CDKAL1: variants seen among roughly 807,000 people sequenced by gnomAD.
CDKAL1 encodes threonylcarbamoyladenosine tRNA methylthiotransferase.
In CDKAL1, 32 loss-of-function variants were observed where a neutral mutation model predicts 68.2. The observed-to-expected ratio is 0.47, with a 90% CI of 0.35 to 0.63. CDKAL1 has a LOEUF of 0.63. CDKAL1 is among the 30% of genes least tolerant of loss of function. The pLI, the probability that CDKAL1 is intolerant of heterozygous loss-of-function variation, is 0.00. For missense variants in CDKAL1, 606 were observed against 696.7 expected (o/e 0.87, Z 1.47); for synonymous variants, 234 against 244.3 (o/e 0.96, Z 0.39).
intron 13 of CDKAL1, among the ~76,000 whole-genome samples, chr6:21,149,366 A>G (rs772654784): frequency 7.9e-5 from 12 of 151,984 alleles, no homozygotes; most frequent in Non-Finnish European, 1.8e-4. Flanking sequence ...GGCTGGTCTC[A>G]AACTCCTGAC....
At chr6:21,140,146 A>C (rs996767398) in intron 13 of CDKAL1, among the ~76,000 whole-genome samples, 7 of 152,212 alleles carry the variant, frequency 4.6e-5, no homozygotes, top group African/African-American at 1.7e-4. Flanking sequence ...ATACACTGTC[A>C]AACACTGGAT....
chr6:20,545,275 G>A (rs1027623012), intron 2 of CDKAL1, among the ~76,000 whole-genome samples: 1 of 151,692 alleles, frequency 6.6e-6, no homozygotes, highest in Non-Finnish European at 1.5e-5. Context: ...TTGCTGGCGG[G>A]GCAGGGAAAA....
chr6:21,115,147 A>G (rs1774343921), intron 13 of CDKAL1, among the ~76,000 whole-genome samples: 1 of 152,202 alleles, frequency 6.6e-6, no homozygotes, highest in South Asian at 2.1e-4. Context: ...GATGTCACTT[A>G]CTGATTTACA....
chr6:20,645,764 AAAT>A (rs1336187421), intron 4 of CDKAL1, among the ~76,000 whole-genome samples: 1 of 124,606 alleles, frequency 8.0e-6, no homozygotes, highest in Non-Finnish European at 1.9e-5. Flanking sequence ...AAAAATAAAT[AAAT>A]AATTTTATTT....
chr6:21,063,435 C>T (rs1354704040), intron 11 of CDKAL1, among the ~76,000 whole-genome samples: 1 of 152,140 alleles, frequency 6.6e-6, no homozygotes, highest in Non-Finnish European at 1.5e-5. Flanking sequence ...TTGGGCCTAT[C>T]AAAAACAAAG....
chr6:20,619,125 C>G (rs920589342), intron 4 of CDKAL1, among the ~76,000 whole-genome samples: 18 of 152,138 alleles, frequency 1.2e-4, no homozygotes, highest in Admixed American at 3.9e-4. Context: ...CTATTTAAAG[C>G]TAAGCTACCC....
chr6:20,735,156 C>T (rs1773131924), intron 5 of CDKAL1, among the ~76,000 whole-genome samples: 1 of 152,206 alleles, frequency 6.6e-6, no homozygotes, highest in African/African-American at 2.4e-5. Flanking sequence ...AGGCGTGAGC[C>T]ACTGCATCCG....
intron 13 of CDKAL1, among the ~76,000 whole-genome samples, chr6:21,127,762 AAGGGAGGGAGAG>A (rs1370060709): frequency 6.6e-6 from 1 of 152,134 alleles, no homozygotes; most frequent in Non-Finnish European, 1.5e-5. Context: ...GAATAAAAGG[AAGGGAGGGAGAG>A]AGGGAGGAAA....
At chr6:21,230,154 G>A (rs1292855410) in intron 15 of CDKAL1, among the ~76,000 whole-genome samples, 2 of 152,164 alleles carry the variant, frequency 1.3e-5, no homozygotes, top group Admixed American at 1.3e-4. Context: ...TGGCTTCCAT[G>A]GTTGTTGGTT....
rs1203168637 is a variant in CDKAL1 at position 20,969,487 on chromosome 6, A to G, written c.909+13902A>G. On this transcript the variant is annotated intron_variant, in intron 10 of 15. Transcript: ENST00000274695. ...TCTCAGGGGTGGTAAAGACAAAAGAATATCTATGTATAAGTGAATGCACAC... is the reference window on the plus strand; with the variant it reads ...TCTCAGGGGTGGTAAAGACAAAAGAGTATCTATGTATAAGTGAATGCACAC... 3.9e-5 allele frequency among the ~76,000 whole-genome samples: 6 copies of G among 152,276 alleles called. No homozygotes were observed. In the East Asian group the frequency reaches 1.2e-3, roughly 29 times the overall value.
chr6:20,673,315 A>T (rs1769937575), intron 5 of CDKAL1, among the ~76,000 whole-genome samples: 1 of 152,228 alleles, frequency 6.6e-6, no homozygotes. Flanking sequence ...CAAGTGCCTG[A>T]TATTAAATGG....
At chr6:20,918,915 A>T (rs1412622681) in intron 9 of CDKAL1, among the ~76,000 whole-genome samples, 1 of 152,242 alleles carries the variant, frequency 6.6e-6, no homozygotes, top group Non-Finnish European at 1.5e-5. Flanking sequence ...AGTATTGGCC[A>T]ACAGCAATAT....
chr6:20,883,511 A>G (rs1240850793), intron 9 of CDKAL1, among the ~76,000 whole-genome samples: 2 of 152,202 alleles, frequency 1.3e-5, no homozygotes, highest in East Asian at 3.8e-4. Context: ...ACATTTAAAT[A>G]TGTCTAGAAT....
At chr6:21,034,273 A>T (rs1399656923) in intron 11 of CDKAL1, among the ~76,000 whole-genome samples, 1 of 152,136 alleles carries the variant, frequency 6.6e-6, no homozygotes, top group Non-Finnish European at 1.5e-5. Context: ...GATGAAGACA[A>T]AACTCTGCTG....
chr6:21,201,789 A>G (rs986920920), intron 15 of CDKAL1, among the ~76,000 whole-genome samples: 29 of 152,178 alleles, frequency 1.9e-4, no homozygotes, highest in African/African-American at 7.0e-4. Flanking sequence ...TTCTATAAAA[A>G]AGTAACCTGA....
intron 8 of CDKAL1, among the ~76,000 whole-genome samples, chr6:20,827,758 C>G (rs1777558788): frequency 6.6e-6 from 1 of 152,054 alleles, no homozygotes; most frequent in Non-Finnish European, 1.5e-5. Context: ...AGTATAAAGT[C>G]CTACATGTCT....
intron 9 of CDKAL1, among the ~76,000 whole-genome samples, chr6:20,897,854 A>G (rs1220578150): frequency 6.6e-6 from 1 of 152,174 alleles, no homozygotes; most frequent in Non-Finnish European, 1.5e-5. Flanking sequence ...AAAATAATTA[A>G]AAGTACATTT....
At chr6:20,759,271 G>A (rs911642045) in intron 7 of CDKAL1, among the ~76,000 whole-genome samples, 1 of 152,320 alleles carries the variant, frequency 6.6e-6, no homozygotes, top group Admixed American at 6.5e-5. Context: ...TCTGGGCACA[G>A]TGGTTCATGC....
intron 9 of CDKAL1, among the ~76,000 whole-genome samples, chr6:20,941,496 G>C (rs1763970334): frequency 1.3e-5 from 2 of 152,176 alleles, no homozygotes; most frequent in African/African-American, 2.4e-5. Flanking sequence ...ATAAAATGAA[G>C]TGGATAAAGA....
Sources: gnomAD v4.1 joint callset for allele counts (sites outside exome capture counted in the v4.1 genomes callset) on GRCh38, gnomAD v4.1.1 for gene constraint, MANE v1.5 for transcripts, NCBI Gene and HGNC (gene_info 2026-07-23, HGNC 2026-07-21) for gene names.